The following SLC25A16 variants were observed in gnomAD, a reference collection of about 807,000 sequenced individuals.
SLC25A16 encodes solute carrier family 25 member 16, also known as mitochondrial coenzyme A transporter SLC25A16.
SLC25A16 carries 39 observed loss-of-function variants against 41.5 expected under a neutral mutation model. The observed-to-expected ratio is 0.94, with a 90% CI of 0.73 to 1.23. The LOEUF (loss-of-function observed/expected upper bound fraction) is 1.23. SLC25A16 is among the 50% of genes most tolerant of loss of function. The pLI is 0.00. For missense variants in SLC25A16, 421 were observed against 426.9 expected, an observed-to-expected ratio of 0.99 and a Z score of 0.12; for synonymous variants, 146 against 147.8, an observed-to-expected ratio of 0.99 and a Z score of 0.09.
At chr10:68,491,169 A>G in intron 6 of SLC25A16, among the ~76,000 whole-genome samples, 1 of 151,496 alleles carries the variant, frequency 6.6e-6, no homozygotes, top group East Asian at 1.9e-4. Flanking sequence ...GTGAGCCACC[A>G]TGCCTGGCCA....
chr10:68,505,992 A>C (rs1182799928), intron 3 of SLC25A16, among the ~76,000 whole-genome samples: 1 of 151,954 alleles, frequency 6.6e-6, no homozygotes, highest in East Asian at 1.9e-4. Flanking sequence ...AGAGTGCACC[A>C]CTGCACTCCA....
chr10:68,517,039 A>G, intron 1 of SLC25A16, 196 bp from the exon 2 acceptor site: 1 of 1,227,826 alleles, frequency 8.1e-7, no homozygotes, highest in East Asian at 3.1e-5. Context: ...ACACTGCTAA[A>G]ACTTACTAAA....
In SLC25A16 at chr10:68,506,688, T is replaced by C. The variant is rs1189670790; in HGVS notation, c.254A>G (p.Gln85Arg). ...GVFSALRAVP[Q>R]KEGFLGLYKG... ...ATACAATCCAAGGAATCCTTCTTTT[T>C]GAGGAACAGCACGCAATGCAGAAAA... Residue 85 changes from glutamine to arginine, a missense_variant, in exon 3 of 9, where the codon CAA becomes CGA. Gln to Arg is a conservative substitution (Grantham distance 43). Coordinates refer to ENST00000609923, the MANE Select transcript of SLC25A16 (RefSeq NM_152707.4). 6.3e-7 allele frequency: 1 copy of C among 1,594,090 alleles called. No individual in the cohort carries two copies. Among genetic ancestry groups the C allele is most frequent in the African/African-American group, 1.3e-5 (1 of 74,186 alleles).
At chr10:68,514,126 G>T (rs1209539264) in intron 2 of SLC25A16, among the ~76,000 whole-genome samples, 1 of 152,090 alleles carries the variant, frequency 6.6e-6, no homozygotes, top group Non-Finnish European at 1.5e-5. Context: ...CCTGGAGGAG[G>T]AGGTTTCAAT....
rs761797540 is a variant in SLC25A16, at chr10:68,524,106, C to T, written c.130+3140G>A. 4.1e-3 allele frequency among the ~76,000 whole-genome samples: 615 copies of T among 151,846 alleles called. 6 individuals are homozygous for T. Among genetic ancestry groups the T allele is most frequent in the African/African-American group, 0.014 (596 of 41,416 alleles). On this transcript the variant is annotated intron_variant, in intron 1 of 8. Transcript: ENST00000609923. ...CGGGCGGATCACGAGGTCAGGAGAT[C>T]GAGACCATCCTGGCTAATATGGTGA...
intron 3 of SLC25A16, among the ~76,000 whole-genome samples, 163 bp from the exon 4 acceptor site, chr10:68,503,858 A>G (rs542152766): frequency 1.3e-5 from 2 of 152,270 alleles, no homozygotes; most frequent in African/African-American, 2.4e-5. Context: ...TGGCAGTGTT[A>G]TATCACAGCA....
intron 2 of SLC25A16, among the ~76,000 whole-genome samples, chr10:68,512,132 A>G (rs899424084): frequency 2.6e-5 from 4 of 152,150 alleles, no homozygotes; most frequent in Non-Finnish European, 5.9e-5. Flanking sequence ...GGAAGAATTC[A>G]TTGCAGAGGC....
chr10:68,490,741 G>A (rs2052643246), intron 6 of SLC25A16, among the ~76,000 whole-genome samples: 1 of 151,624 alleles, frequency 6.6e-6, no homozygotes, highest in African/African-American at 2.4e-5. Context: ...ACAGATTAGT[G>A]GCATATATAT....
intron 4 of SLC25A16, chr10:68,499,514 G>A (rs1200863769): frequency 3.2e-5 from 6 of 184,946 alleles, no homozygotes; most frequent in Admixed American, 1.1e-4. Context: ...GGCCATCACC[G>A]AAGCAGGAGC....
chr10:68,489,085 CAT>C (rs1433121815), intron 6 of SLC25A16, among the ~76,000 whole-genome samples: 35 of 152,244 alleles, frequency 2.3e-4, no homozygotes, highest in African/African-American at 8.2e-4. Flanking sequence ...GCCTGACAAA[CAT>C]AGAGAAATCC....
rs10544543 is a variant in SLC25A16, at chr10:68,480,490, CTTTTTTTTTTTTTT to C, written c.*2928_*2941del. On this transcript the variant is annotated 3_prime_UTR_variant, in exon 9 of 9. Coordinates refer to ENST00000609923, the MANE Select transcript of SLC25A16 (RefSeq NM_152707.4). ...TTTACTGATAACCTAACTGAGGTAT[CTTTTTTTTTTTTTT>C]TTTTTTTTTTGAGATGGAGTCTTGC... is the stretch of plus-strand genomic sequence containing the variant. 1 of 69,486 alleles carries C rather than the reference CTTTTTTTTTTTTTT, an allele frequency of 1.4e-5. No individual in the cohort carries two copies. The highest frequency in any genetic ancestry group is 2.6e-5 in the Non-Finnish European group (1 of 38,502). 4.3% of individuals were successfully genotyped at this position (69,486 alleles called of 1,614,324 possible). A position where few individuals can be genotyped will look rare whatever the true frequency, so the allele number is the denominator to read the frequency against.
intron 2 of SLC25A16, among the ~76,000 whole-genome samples, chr10:68,513,926 G>A (rs977960829): frequency 7.9e-5 from 12 of 152,142 alleles, no homozygotes; most frequent in Middle Eastern, 3.2e-3. Context: ...GCCGGGAGCA[G>A]TGGCTCATGC....
chr10:68,495,359 G>A (rs973235216), intron 4 of SLC25A16, among the ~76,000 whole-genome samples: 3 of 152,050 alleles, frequency 2.0e-5, no homozygotes, highest in Non-Finnish European at 4.4e-5. Context: ...AGGTTGCGGT[G>A]AGCCAAGATG....
intron 4 of SLC25A16, among the ~76,000 whole-genome samples, chr10:68,498,833 T>C (rs2052794406): frequency 6.6e-6 from 1 of 152,220 alleles, no homozygotes; most frequent in South Asian, 2.1e-4. Context: ...GTCCAGCCTC[T>C]GCTGTGATTG....
chr10:68,506,451 A>T, intron 3 of SLC25A16, 134 bp downstream of exon 3: 3 of 629,880 alleles, frequency 4.8e-6, no homozygotes, highest in African/African-American at 2.0e-5. Flanking sequence ...TCAAAAATTA[A>T]AAAAAAAAAA....
intron 3 of SLC25A16, among the ~76,000 whole-genome samples, chr10:68,504,843 G>C (rs2052925540): frequency 6.6e-6 from 1 of 152,060 alleles, no homozygotes; most frequent in Admixed American, 6.6e-5. Flanking sequence ...ACCACATCCA[G>C]CTAATTTTGT....
At position 68,490,789 on chromosome 10, in the gene SLC25A16, T is replaced by A. The variant is rs561435901; in HGVS notation, c.611-2160A>T. 3.9e-5 allele frequency among the ~76,000 whole-genome samples: 6 copies of A among 152,072 alleles called. No homozygotes were observed. In the South Asian group the frequency reaches 1.0e-3, roughly 26 times the overall value. ...GTTAAAAATCATTCTCAGAAGAAAA[T>A]TTTTTTGACACAATAAAGACTATCC... is the stretch of plus-strand genomic sequence containing the variant. On this transcript the variant is annotated intron_variant, in intron 6 of 8. Coordinates refer to ENST00000609923, the MANE Select transcript of SLC25A16 (RefSeq NM_152707.4).
chr10:68,503,568 C>G, intron 4 of SLC25A16, 64 bp downstream of exon 4: 1 of 1,121,718 alleles, frequency 8.9e-7, no homozygotes, highest in Non-Finnish European at 1.3e-6. Flanking sequence ...ATAATCTAAA[C>G]CAAATTAAAT....
intron 8 of SLC25A16, among the ~76,000 whole-genome samples, chr10:68,483,901 T>TGATC (rs2052518005): frequency 2.0e-5 from 3 of 152,136 alleles, no homozygotes; most frequent in Admixed American, 6.6e-5. Context: ...TGACCTCAGG[T>TGATC]GATCCACCCA....
Sources: gnomAD v4.1 joint callset for allele counts (sites outside exome capture counted in the v4.1 genomes callset) on GRCh38, gnomAD v4.1.1 for gene constraint, MANE v1.5 for transcripts, NCBI Gene and HGNC (gene_info 2026-07-23, HGNC 2026-07-21) for gene names.